The following ABCC9 variants were observed in gnomAD, a reference collection of about 807,000 sequenced individuals.
ABCC9 encodes ATP-binding cassette sub-family C member 9.
ABCC9 carries 95 observed loss-of-function variants against 188.3 expected under a neutral mutation model. The ratio of observed to expected loss-of-function variants is 0.50; its 90% CI spans 0.43 to 0.60. The LOEUF (loss-of-function observed/expected upper bound fraction) is 0.60, where lower values mean the gene tolerates loss of function less well. Ranked by LOEUF, ABCC9 falls within the 20% of genes least tolerant of loss-of-function variation. ABCC9 has a pLI of 0.00. For synonymous variants in ABCC9, 659 were observed against 652.7 expected, an observed-to-expected ratio of 1.01 and a Z score of -0.15; for missense variants, 1,102 against 1,876.3, an observed-to-expected ratio of 0.59 and a Z score of 7.62.
intron 22 of ABCC9, among the ~76,000 whole-genome samples, chr12:21,859,044 G>A (rs1303776726): frequency 2.6e-5 from 4 of 152,034 alleles, no homozygotes; most frequent in Non-Finnish European, 4.4e-5. Context: ...TGGATATCAC[G>A]AAAATCATTC....
At chr12:21,914,900 CT>C (rs377103461) in intron 7 of ABCC9, among the ~76,000 whole-genome samples, 45,018 of 134,760 alleles carry the variant, frequency 0.33, 6,967 homozygotes, top group Non-Finnish European at 0.38. Flanking sequence ...GCTTTGTGTC[CT>C]TTTTTTTTTT....
chr12:21,875,577 T>C (rs1237445819), intron 17 of ABCC9, 77 bp downstream of exon 17: 9 of 1,088,456 alleles, frequency 8.3e-6, no homozygotes, highest in Non-Finnish European at 1.1e-5. Context: ...AGTATCTTTT[T>C]GTTAGGCTCA....
At chr12:21,821,484 T>C (rs1037812310) in intron 31 of ABCC9, among the ~76,000 whole-genome samples, 1 of 152,104 alleles carries the variant, frequency 6.6e-6, no homozygotes, top group African/African-American at 2.4e-5. Context: ...GCTGTGTTTT[T>C]TATAAAGAAC....
At chr12:21,879,051 C>T (rs1227490451) in intron 16 of ABCC9, among the ~76,000 whole-genome samples, 1 of 152,168 alleles carries the variant, frequency 6.6e-6, no homozygotes, top group Non-Finnish European at 1.5e-5. Context: ...AAGATGGAGG[C>T]AAGCTCAGTG....
rs548114644 is a variant in ABCC9, at chr12:21,845,446, TTATTC to T, written c.3096+152_3096+156del. ...CTTCTATTTTAACATTTTTGATAGT[TTATTC>T]TATTTCAGGTCCTGTTGTAATTATT... On this transcript the variant is annotated intron_variant, in intron 26 of 39. Transcript: ENST00000261200. 1.6e-4 allele frequency among the ~76,000 whole-genome samples: 24 copies of T among 152,288 alleles called. No homozygotes were observed. In the East Asian group the frequency reaches 3.9e-3, roughly 24 times the overall value.
chr12:21,824,878 CTCTTT>C (rs1005074330), intron 31 of ABCC9, among the ~76,000 whole-genome samples: 3 of 151,080 alleles, frequency 2.0e-5, no homozygotes, highest in Non-Finnish European at 2.9e-5. Context: ...TGATTCTTTT[CTCTTT>C]TCTTCTTTAT....
chr12:21,905,108 A>G (rs1947968946), intron 12 of ABCC9, among the ~76,000 whole-genome samples: 1 of 152,184 alleles, frequency 6.6e-6, no homozygotes, highest in Non-Finnish European at 1.5e-5. Flanking sequence ...ATAAAAAAGG[A>G]TGAGTTCATG....
At chr12:21,882,643 A>G (rs990267301) in intron 16 of ABCC9, 123 bp downstream of exon 16, 1 of 825,150 alleles carries the variant, frequency 1.2e-6, no homozygotes, top group Non-Finnish European at 2.0e-6. Flanking sequence ...AAATGTTATT[A>G]GGGTTAATGA....
intron 7 of ABCC9, among the ~76,000 whole-genome samples, chr12:21,915,304 A>ATATATGTGTGTATATATATACATGTG (rs1464791117): frequency 6.0e-5 from 4 of 66,934 alleles, no homozygotes; most frequent in South Asian, 4.3e-4. Flanking sequence ...ACATGTGTAT[A>ATATATGTGTGTATATATATACATGTG]TATATATAAT....
At chr12:21,938,910 C>T (rs1949594938) in intron 2 of ABCC9, among the ~76,000 whole-genome samples, 1 of 152,120 alleles carries the variant, frequency 6.6e-6, no homozygotes, top group Non-Finnish European at 1.5e-5. Flanking sequence ...CAGACATACA[C>T]CAGATATCTG....
intron 15 of ABCC9, 105 bp from the exon 16 acceptor site, chr12:21,882,978 G>A: frequency 1.2e-6 from 1 of 849,796 alleles, no homozygotes; most frequent in South Asian, 1.4e-5. Context: ...AAAAAGAAGT[G>A]GATGTTATAT....
chr12:21,844,077 T>C (rs1335878873), intron 28 of ABCC9, among the ~76,000 whole-genome samples: 1 of 152,182 alleles, frequency 6.6e-6, no homozygotes, highest in Non-Finnish European at 1.5e-5. Flanking sequence ...AGAACCAATC[T>C]AATAAAAGTA....
intron 5 of ABCC9, among the ~76,000 whole-genome samples, chr12:21,918,567 A>G (rs1948689437): frequency 6.6e-6 from 1 of 152,300 alleles, no homozygotes. Context: ...CTACTTAACA[A>G]ACTATAACAA....
intron 12 of ABCC9, among the ~76,000 whole-genome samples, chr12:21,903,886 C>G (rs1315644404): frequency 1.3e-5 from 2 of 152,210 alleles, no homozygotes; most frequent in Non-Finnish European, 2.9e-5. Flanking sequence ...ATGCTATCCC[C>G]ATCAAGCTAC....
intron 30 of ABCC9, among the ~76,000 whole-genome samples, chr12:21,835,358 T>G (rs1944016418): frequency 2.0e-5 from 3 of 152,194 alleles, no homozygotes. Context: ...TGTAGAGGAA[T>G]GCAAACACAC....
At chr12:21,901,316 G>A (rs1947738026) in intron 12 of ABCC9, among the ~76,000 whole-genome samples, 1 of 152,136 alleles carries the variant, frequency 6.6e-6, no homozygotes, top group African/African-American at 2.4e-5. Context: ...AATAAACATG[G>A]AAGGGAACAA....
At position 21,910,919 on chromosome 12, in the gene ABCC9, A is replaced by T. The variant is rs1438141024; in HGVS notation, c.1071T>A (p.Leu357=). ...TTTGCAGAATAAGAGCCAAGAAGAG[A>T]AGAACTGCTAGAACGTAAGCGTTTT... ...FLENAYVLAV[L]LFLALILQRT... is the part of the protein sequence containing the mutation. Residue 357 remains leucine, a synonymous_variant, in exon 9 of 40, where the codon CTT becomes CTA. Coordinates refer to ENST00000261200, the MANE Select transcript of ABCC9 (RefSeq NM_020297.4). 1.9e-6 allele frequency: 3 copies of T among 1,612,688 alleles called. No individual in the cohort carries two copies. Among genetic ancestry groups the T allele is most frequent in the Non-Finnish European group, 2.5e-6 (3 of 1,178,998 alleles).
chr12:21,809,875 A>G lies in ABCC9; in HGVS notation c.4292T>C (p.Val1431Ala). The change falls in exon 37 of 40, where the codon GTC becomes GCC. Residue 1431 changes from valine to alanine, a missense_variant. Physicochemically the swap from Val to Ala is moderately conservative, Grantham distance 64. Transcript: ENST00000261200. Reference sequence around the variant, plus strand: ...ACCTAGACCTCCAGGTAGAGATTTGACCATATTCTTCAGCTGAGCAATTTC... The same window carrying G: ...ACCTAGACCTCCAGGTAGAGATTTGGCCATATTCTTCAGCTGAGCAATTTC... ...ALEIAQLKNM[V>A]KSLPGGLDAV... is the part of the protein sequence containing the mutation. 1 of 1,609,976 alleles carries G rather than the reference A, an allele frequency of 6.2e-7. No homozygotes were observed. The highest frequency in any genetic ancestry group is 8.5e-7 in the Non-Finnish European group (1 of 1,177,164).
chr12:21,925,834 T>C, intron 5 of ABCC9, 108 bp downstream of exon 5: 3 of 1,215,992 alleles, frequency 2.5e-6, no homozygotes, highest in South Asian at 2.6e-5. Flanking sequence ...TACTTTCTAC[T>C]CCCCACACAC....
Sources: allele counts gnomAD v4.1 joint callset (sites outside exome capture counted in the v4.1 genomes callset), GRCh38; gene constraint gnomAD v4.1.1; transcripts MANE v1.5; gene names NCBI Gene and HGNC (gene_info 2026-07-23, HGNC 2026-07-21).